The following ARSL variants were observed in gnomAD, a reference collection of about 807,000 sequenced individuals.
ARSL encodes the protein arylsulfatase L.
Under a neutral mutation model 31.1 loss-of-function variants are expected in ARSL, and 4 were observed. The observed-to-expected ratio is 0.13, with a 90% CI of 0.06 to 0.29. The LOEUF (loss-of-function observed/expected upper bound fraction) is 0.29. Among genes scored for constraint, ARSL ranks in the 10% least tolerant of loss-of-function variants. The pLI, the probability that ARSL is intolerant of heterozygous loss-of-function variation, is 1.00. For missense variants in ARSL, 312 were observed against 497.8 expected (o/e 0.63, Z 3.55); for synonymous variants, 198 against 209.9 (o/e 0.94, Z 0.49).
In ARSL at chrX:2,936,939, C is replaced by T. The variant is rs2089210293; in HGVS notation, c.1290-76G>A. On this transcript the variant is annotated intron_variant, in intron 9 of 10. Coordinates refer to ENST00000381134, the MANE Select transcript of ARSL (RefSeq NM_000047.3). ...ATTTGTCCCTCCAGCATCCACCAGT[C>T]CCAGCCCCAGGTGGTGCACTCTCCT... The T allele has an allele frequency of 3.4e-6, 4 of 1,166,519 alleles. No homozygotes were observed. In the South Asian group the frequency reaches 5.5e-5, roughly 16 times the overall value.
intron 1 of ARSL, among the ~76,000 whole-genome samples, chrX:2,961,318 G>C (rs185098682): frequency 3.6e-5 from 4 of 111,153 alleles, no homozygotes; most frequent in African/African-American, 1.3e-4. Flanking sequence ...CAGGCAGCAA[G>C]AGGTCACCTT....
At chrX:2,961,572 C>A (rs1192384852) in intron 1 of ARSL, among the ~76,000 whole-genome samples, 3 of 112,070 alleles carry the variant, frequency 2.7e-5, no homozygotes, top group Non-Finnish European at 5.6e-5. Context: ...AAACATGTTT[C>A]TTTGCCATAT....
chrX:2,942,431 A>G (rs1245022922), intron 8 of ARSL, among the ~76,000 whole-genome samples: 2 of 111,298 alleles, frequency 1.8e-5, no homozygotes, highest in Non-Finnish European at 3.8e-5. Flanking sequence ...AGCTGGGACT[A>G]CAGGCGTGTG....
chrX:2,952,844 G>A, intron 5 of ARSL: 2 of 172,355 alleles, frequency 1.2e-5, no homozygotes, highest in Non-Finnish European at 2.2e-5. Context: ...TTTTGTAGAC[G>A]TGGGGTCTTG....
intron 2 of ARSL, among the ~76,000 whole-genome samples, chrX:2,960,080 T>C (rs1380650778): frequency 2.0e-5 from 2 of 101,294 alleles, no homozygotes; most frequent in Non-Finnish European, 4.0e-5. Context: ...CCATCCTGGC[T>C]AACACGGTGA....
intron 3 of ARSL, among the ~76,000 whole-genome samples, chrX:2,955,904 T>C (rs1282220322): frequency 8.9e-6 from 1 of 112,203 alleles, no homozygotes; most frequent in African/African-American, 3.2e-5. Flanking sequence ...GGATTGGTGG[T>C]GCATGTCTGT....
At chrX:2,955,677 T>C (rs932167211) in intron 3 of ARSL, 140 bp from the exon 4 acceptor site, 93 of 717,486 alleles carry the variant, frequency 1.3e-4, no homozygotes, top group Non-Finnish European at 1.9e-4. Flanking sequence ...CCAAAGGTAA[T>C]GTCAAAGATT....
chrX:2,946,796 A>G (rs918951238), intron 6 of ARSL, among the ~76,000 whole-genome samples: 3 of 110,331 alleles, frequency 2.7e-5, no homozygotes, highest in African/African-American at 9.9e-5. Context: ...CAGCCTCCCA[A>G]GTAGCTGGGA....
intron 7 of ARSL, among the ~76,000 whole-genome samples, chrX:2,945,637 C>G (rs1051949520): frequency 2.7e-5 from 3 of 111,179 alleles, no homozygotes; most frequent in Non-Finnish European, 5.7e-5. Context: ...TATTCTGTCT[C>G]CCACATGGGG....
chrX:2,937,606 G>C (rs1392990564), intron 9 of ARSL, among the ~76,000 whole-genome samples: 1 of 110,204 alleles, frequency 9.1e-6, no homozygotes, highest in Non-Finnish European at 1.9e-5. Context: ...AAGTTTTATT[G>C]GGGGGTCTAA....
At position 2,945,862 on chromosome X, in the gene ARSL, T is replaced by C. The variant is rs1189425440; in HGVS notation, c.991+136A>G. On this transcript the variant is annotated intron_variant, in intron 7 of 10. Transcript: ENST00000381134. ...TGCAGTGAAGATCTGTGCTATAATA[T>C]TTTGCACTCTTAAAATCCAATCGCA... The C allele has an allele frequency of 1.7e-5, 14 of 833,796 alleles. No homozygotes were observed. The East Asian group carries it at 4.5e-4, about 27-fold the overall frequency. 68.7% of individuals were successfully genotyped at this position (833,796 alleles called of 1,213,427 possible). A position where few individuals can be genotyped will look rare whatever the true frequency, so the allele number is the denominator to read the frequency against.
intron 1 of ARSL, among the ~76,000 whole-genome samples, chrX:2,961,440 A>G (rs1488966491): frequency 1.8e-5 from 2 of 111,709 alleles, no homozygotes; most frequent in Non-Finnish European, 3.8e-5. Flanking sequence ...CTGGAGAGTC[A>G]TGCCCTACAA....
At chrX:2,943,339 G>T in intron 7 of ARSL, 140 bp from the exon 8 acceptor site, 1 of 750,233 alleles carries the variant, frequency 1.3e-6, no homozygotes, top group South Asian at 2.5e-5. Context: ...TCAGCTGTTG[G>T]ATAATTTTGA....
At chrX:2,945,659 G>A (rs2089368352) in intron 7 of ARSL, among the ~76,000 whole-genome samples, 1 of 111,510 alleles carries the variant, frequency 9.0e-6, no homozygotes, top group Non-Finnish European at 1.9e-5. Flanking sequence ...TTAGAAAGTG[G>A]CTATCTTTGG....
intron 2 of ARSL, 112 bp downstream of exon 2, chrX:2,960,266 C>G (rs768768748): frequency 7.3e-5 from 13 of 179,169 alleles, no homozygotes; most frequent in Middle Eastern, 1.9e-3. Context: ...GAGACTCCGT[C>G]TCAAAAAAAA....
At chrX:2,962,869 G>C (rs1443837304) in intron 1 of ARSL, among the ~76,000 whole-genome samples, 1 of 111,269 alleles carries the variant, frequency 9.0e-6, no homozygotes, top group African/African-American at 3.3e-5. Context: ...CTTTGGAAAG[G>C]CTCATCAGAA....
At chrX:2,949,761 A>G (rs1353449322) in intron 5 of ARSL, 34 bp from the exon 6 acceptor site, 1 of 1,182,220 alleles carries the variant, frequency 8.5e-7, no homozygotes, top group Admixed American at 2.2e-5. Context: ...TGTGACAAGC[A>G]TCTGAGCATA....
chrX:2,943,873 C>G (rs1177806776), intron 7 of ARSL, among the ~76,000 whole-genome samples: 1 of 109,131 alleles, frequency 9.2e-6, no homozygotes, highest in Non-Finnish European at 1.9e-5. Flanking sequence ...CAAGGGAACT[C>G]ATGTCATTAA....
At chrX:2,959,639 G>A in intron 2 of ARSL, 1 of 1,153,899 alleles carries the variant, frequency 8.7e-7, no homozygotes, top group Non-Finnish European at 1.1e-6. Flanking sequence ...TCCTTCTGAG[G>A]CTGCCTGGGG....
Sources: allele counts gnomAD v4.1 joint callset (sites outside exome capture counted in the v4.1 genomes callset), GRCh38; gene constraint gnomAD v4.1.1; transcripts MANE v1.5; gene names NCBI Gene and HGNC (gene_info 2026-07-23, HGNC 2026-07-21).